PBLD: variants seen among roughly 807,000 people sequenced by gnomAD.
PBLD encodes phenazine biosynthesis-like domain-containing protein.
PBLD carries 26 observed loss-of-function variants against 31.3 expected under a neutral mutation model. That is an observed-to-expected ratio of 0.83 (90% CI 0.61 to 1.15). The LOEUF is 1.15. Among genes scored for constraint, PBLD ranks in the 50% most tolerant of loss-of-function variants. The probability of loss-of-function intolerance (pLI) is 0.00; values close to 1 mark genes in which losing one functional copy is unlikely to be tolerated. For synonymous variants in PBLD, 114 were observed against 129.0 expected, an observed-to-expected ratio of 0.88 and a Z score of 0.79; for missense variants, 307 against 351.7, an observed-to-expected ratio of 0.87 and a Z score of 1.02.
At chr10:68,328,807 T>C (rs1289132151) in intron 1 of PBLD, among the ~76,000 whole-genome samples, 1 of 152,248 alleles carries the variant, frequency 6.6e-6, no homozygotes, top group Non-Finnish European at 1.5e-5. Context: ...AGACTTTTTT[T>C]TTTTTTAAGA....
intron 1 of PBLD, among the ~76,000 whole-genome samples, chr10:68,316,837 AC>A (rs1244943798): frequency 6.6e-6 from 1 of 152,026 alleles, no homozygotes; most frequent in African/African-American, 2.4e-5. Flanking sequence ...ACACAGTGAA[AC>A]CCTGTCTCTA....
intron 1 of PBLD, among the ~76,000 whole-genome samples, chr10:68,307,587 C>G (rs1347155502): frequency 1.3e-5 from 2 of 151,986 alleles, no homozygotes; most frequent in Non-Finnish European, 2.9e-5. Flanking sequence ...GCAAGCTCCC[C>G]CTCCCAGGTT....
Position 68,292,124 on chromosome 10 carries a change from C to T in PBLD, c.393+5G>A. On this transcript the variant is annotated splice_donor_5th_base_variant and intron_variant, in intron 5 of 9. Coordinates refer to ENST00000358769, the MANE Select transcript of PBLD (RefSeq NM_022129.4). ...GGCTTAGGGCAATAATTACAAAGAG[C>T]TGACCTGGGGGTGGGCTGGATAAAG... 5 of 1,611,534 alleles carry T rather than the reference C, an allele frequency of 3.1e-6. No homozygotes were observed. The South Asian group carries it at 4.4e-5, about 14-fold the overall frequency.
chr10:68,328,465 G>T (rs2044959633), intron 1 of PBLD, among the ~76,000 whole-genome samples: 1 of 152,084 alleles, frequency 6.6e-6, no homozygotes, highest in Admixed American at 6.5e-5. Flanking sequence ...ATGATCACGT[G>T]TTTGTTGTCT....
intron 4 of PBLD, among the ~76,000 whole-genome samples, chr10:68,292,751 A>C (rs10740290): frequency 0.97 from 147,979 of 152,254 alleles, 72,065 homozygotes; most frequent in Middle Eastern, 1. Context: ...CTCAAGTGAT[A>C]CACCCACCTC....
intron 9 of PBLD, among the ~76,000 whole-genome samples, chr10:68,284,831 C>G (rs1403899860): frequency 6.6e-6 from 1 of 152,212 alleles, no homozygotes; most frequent in Non-Finnish European, 1.5e-5. Flanking sequence ...TAATTAGACT[C>G]GCCAAGGAAA....
chr10:68,330,612 C>G (rs1350607684), intron 1 of PBLD, among the ~76,000 whole-genome samples: 1 of 152,074 alleles, frequency 6.6e-6, no homozygotes, highest in African/African-American at 2.4e-5. Flanking sequence ...GTGGCGCGAT[C>G]TGGGCTCAAT....
intron 4 of PBLD, among the ~76,000 whole-genome samples, chr10:68,293,998 A>T (rs1247143173): frequency 6.6e-6 from 1 of 152,042 alleles, no homozygotes; most frequent in Admixed American, 6.6e-5. Context: ...ACAAAAAAAC[A>T]AAAGACACTC....
At position 68,283,125 on chromosome 10, in the gene PBLD, C is replaced by T. The variant is rs2044249160; in HGVS notation, c.*1052G>A. The T allele has an allele frequency of 6.6e-6, 1 of 151,818 alleles. No individual in the cohort carries two copies. The highest frequency in any genetic ancestry group is 1.5e-5 in the Non-Finnish European group (1 of 68,002). 9.4% of individuals were successfully genotyped at this position (151,818 alleles called of 1,614,324 possible). A position where few individuals can be genotyped will look rare whatever the true frequency, so the allele number is the denominator to read the frequency against. On this transcript the variant is annotated 3_prime_UTR_variant, in exon 10 of 10. Coordinates refer to ENST00000358769, the MANE Select transcript of PBLD (RefSeq NM_022129.4). ...TCTCGAACTCCTAGGTTCAAGTGAT[C>T]CTCCTGCCTTGTCCTGCCAAAGTGC...
chr10:68,327,944 A>C (rs539196240), intron 1 of PBLD, among the ~76,000 whole-genome samples: 2 of 152,282 alleles, frequency 1.3e-5, no homozygotes, highest in African/African-American at 4.8e-5. Flanking sequence ...TTGAGTTTTC[A>C]TTTGTTTACT....
chr10:68,316,014 T>C (rs1161854888), intron 1 of PBLD, among the ~76,000 whole-genome samples: 1 of 152,168 alleles, frequency 6.6e-6, no homozygotes, highest in Non-Finnish European at 1.5e-5. Flanking sequence ...GGGGAGAATC[T>C]GATTTCCAGA....
chr10:68,320,880 C>T (rs1013681140), intron 1 of PBLD, among the ~76,000 whole-genome samples: 7 of 150,674 alleles, frequency 4.6e-5, no homozygotes, highest in African/African-American at 9.8e-5. Context: ...TGCAATGGCA[C>T]GATCTCAGCT....
At chr10:68,312,804 G>C (rs1201494236) in intron 1 of PBLD, among the ~76,000 whole-genome samples, 5 of 151,812 alleles carry the variant, frequency 3.3e-5, no homozygotes, top group African/African-American at 1.2e-4. Flanking sequence ...GTAGAGACGG[G>C]GTTTCACCAT....
intron 1 of PBLD, among the ~76,000 whole-genome samples, chr10:68,319,984 CG>C (rs2044810020): frequency 6.6e-6 from 1 of 151,714 alleles, no homozygotes; most frequent in African/African-American, 2.4e-5. Context: ...CCATCACGCC[CG>C]GCTAATTTTG....
intron 2 of PBLD, among the ~76,000 whole-genome samples, chr10:68,298,371 A>G (rs78544583): frequency 0.059 from 9,052 of 152,248 alleles, 936 homozygotes; most frequent in African/African-American, 0.21. Context: ...TCATGCCTAT[A>G]ATGCCAGCAC....
At chr10:68,297,187 G>A in intron 2 of PBLD, 1 of 575,736 alleles carries the variant, frequency 1.7e-6, no homozygotes, top group East Asian at 3.0e-5. Flanking sequence ...GTGAAGAAGG[G>A]TTATAAATGT....
At chr10:68,317,496 A>G (rs892811396) in intron 1 of PBLD, among the ~76,000 whole-genome samples, 1 of 152,168 alleles carries the variant, frequency 6.6e-6, no homozygotes, top group Non-Finnish European at 1.5e-5. Context: ...CAGGATGGCC[A>G]CTATCAAAAG....
intron 8 of PBLD, 68 bp from the exon 9 acceptor site, chr10:68,285,478 A>C: frequency 6.5e-7 from 1 of 1,535,108 alleles, no homozygotes; most frequent in Non-Finnish European, 8.7e-7. Flanking sequence ...GTAAATTTCT[A>C]AGCAATTACA....
At chr10:68,296,392 T>C (rs768249565) in intron 3 of PBLD, 28 bp from the exon 4 acceptor site, 3 of 1,518,750 alleles carry the variant, frequency 2.0e-6, no homozygotes, top group South Asian at 2.3e-5. Context: ...CAAAGAGAGA[T>C]GAGATCATTC....
Sources: allele counts gnomAD v4.1 joint callset (sites outside exome capture counted in the v4.1 genomes callset), GRCh38; gene constraint gnomAD v4.1.1; transcripts MANE v1.5; gene names NCBI Gene and HGNC (gene_info 2026-07-23, HGNC 2026-07-21).